ALG1: variants seen among roughly 807,000 people sequenced by gnomAD.
ALG1 encodes the protein chitobiosyldiphosphodolichol beta-mannosyltransferase.
ALG1 carries 58 observed loss-of-function variants against 55.1 expected under a neutral mutation model. The observed-to-expected ratio is 1.05, with a 90% CI of 0.85 to 1.31. The LOEUF is 1.31. Ranked by LOEUF, ALG1 falls within the 50% of genes most tolerant of loss-of-function variation. The pLI, the probability that ALG1 is intolerant of heterozygous loss-of-function variation, is 0.00. For missense variants in ALG1, 761 were observed against 598.6 expected, an observed-to-expected ratio of 1.27 and a Z score of -2.83; for synonymous variants, 309 against 247.0, an observed-to-expected ratio of 1.25 and a Z score of -2.35.
chr16:5,075,730 C>T (rs1188685243), intron 4 of ALG1, among the ~76,000 whole-genome samples, 194 bp downstream of exon 4: 1 of 152,136 alleles, frequency 6.6e-6, no homozygotes, highest in East Asian at 1.9e-4. Flanking sequence ...CATTTTTTGG[C>T]CCATGAAATG....
rs544631457 is a variant in ALG1, at chr16:5,075,937, G to T, written c.539+401G>T. Among the ~76,000 whole-genome samples the T allele has an allele frequency of 2.0e-5, 3 of 152,304 alleles. No homozygotes were observed. The East Asian group carries it at 5.8e-4, about 29-fold the overall frequency. ...TGCCTTCCTCTGATCTGCCTGTTGA[G>T]GCCAGGGGGCAAGTGCTCCAGCAGA... On this transcript the variant is annotated intron_variant, in intron 4 of 12. Transcript: ENST00000262374.
chr16:5,078,057 C>A (rs1300776798), intron 6 of ALG1, 40 bp downstream of exon 6: 1 of 1,591,494 alleles, frequency 6.3e-7, no homozygotes. Flanking sequence ...TCCTGCTCGC[C>A]ACTGCCCTGG....
intron 7 of ALG1, 80 bp downstream of exon 7, chr16:5,078,958 C>G: frequency 6.3e-7 from 1 of 1,595,526 alleles, no homozygotes. Flanking sequence ...CCTGCCAGTC[C>G]TGCATGCTCC....
chr16:5,078,750 C>T lies in ALG1; in HGVS notation c.741-7C>T. The T allele has an allele frequency of 1.9e-6, 3 of 1,612,834 alleles. No individual in the cohort carries two copies. The highest frequency in any genetic ancestry group is 2.2e-5 in the East Asian group (1 of 44,878). On this transcript the variant is annotated splice_polypyrimidine_tract_variant and splice_region_variant and intron_variant, in intron 6 of 12. Coordinates refer to ENST00000262374, the MANE Select transcript of ALG1 (RefSeq NM_019109.5). ...GCCTCTCACAGGCTTTTTTTCTGCT[C>T]CTTCAGCTCAGAACCTGAGGACCCA...
chr16:5,078,203 A>G (rs997074945), intron 6 of ALG1, 186 bp downstream of exon 6: 24 of 770,498 alleles, frequency 3.1e-5, no homozygotes, highest in African/African-American at 6.9e-5. Flanking sequence ...TGAGTTGTCT[A>G]CAGCCGCCTT....
intron 7 of ALG1, 52 bp from the exon 8 acceptor site, chr16:5,079,012 G>C (rs1956967049): frequency 6.2e-7 from 1 of 1,603,278 alleles, no homozygotes; most frequent in African/African-American, 1.3e-5. Context: ...CCTGTGAGCT[G>C]GAAGAGGGGT....
intron 2 of ALG1, 47 bp downstream of exon 2, chr16:5,073,075 G>T (rs769670590): frequency 1.2e-6 from 2 of 1,610,576 alleles, no homozygotes; most frequent in East Asian, 4.5e-5. Context: ...TGGGCTGGGG[G>T]CAGGGGGTGT....
At chr16:5,072,205 C>T (rs1198547026) in intron 1 of ALG1, 148 bp downstream of exon 1, 2 of 1,535,300 alleles carry the variant, frequency 1.3e-6, no homozygotes. Flanking sequence ...CTGCCCCAGC[C>T]TTTCCTGGGT....
At chr16:5,082,812 C>T (rs969737341) in intron 11 of ALG1, 139 bp downstream of exon 11, 6 of 957,898 alleles carry the variant, frequency 6.3e-6, no homozygotes, top group Non-Finnish European at 9.6e-6. Context: ...TGAGGAGGAG[C>T]CCTGCGGTTA....
chr16:5,071,985 A>G lies in ALG1; in HGVS notation c.136A>G (p.Ser46Gly). 2 of 1,595,488 alleles carry G rather than the reference A, an allele frequency of 1.3e-6. No individual in the cohort carries two copies. The highest frequency in any genetic ancestry group is 1.7e-6 in the Non-Finnish European group (2 of 1,171,190). The change falls in exon 1 of 13, where the codon AGC (serine) becomes GGC (glycine). Residue 46 changes from serine (S) to glycine (G), a missense_variant. Transcript: ENST00000262374. Reference sequence around the variant, plus strand: ...GGTGGTGCTGGGCGACGTGGGCCGCAGCCCCCGTATGCAGTACCACGCGCT... The same window carrying G: ...GGTGGTGCTGGGCGACGTGGGCCGCGGCCCCCGTATGCAGTACCACGCGCT... Reference protein sequence around the residue: ...VAVVLGDVGRSPRMQYHALSL... With the variant: ...VAVVLGDVGRGPRMQYHALSL...
At chr16:5,072,110 G>C (rs563230070) in intron 1 of ALG1, 53 bp downstream of exon 1, 1 of 1,550,278 alleles carries the variant, frequency 6.5e-7, no homozygotes, top group Non-Finnish European at 8.7e-7. Context: ...GTTGATCCTC[G>C]GTTCTAACCG....
chr16:5,081,876 G>C (rs899266229), intron 10 of ALG1, among the ~76,000 whole-genome samples: 7 of 152,052 alleles, frequency 4.6e-5, no homozygotes, highest in Non-Finnish European at 1.0e-4. Flanking sequence ...CTAGTCTTTA[G>C]AAATGTTAAG....
intron 10 of ALG1, among the ~76,000 whole-genome samples, chr16:5,082,014 C>G (rs1406503452): frequency 1.3e-5 from 2 of 151,956 alleles, no homozygotes; most frequent in Non-Finnish European, 2.9e-5. Context: ...GTGATCTTGG[C>G]TCACGCAACC....
intron 3 of ALG1, 60 bp from the exon 4 acceptor site, chr16:5,075,328 C>T: frequency 1.3e-6 from 2 of 1,565,440 alleles, no homozygotes; most frequent in Middle Eastern, 1.7e-4. Context: ...ACTATTTTTA[C>T]TGGGTTTATT....
chr16:5,074,551 G>C (rs969501703), intron 3 of ALG1, among the ~76,000 whole-genome samples: 1 of 152,112 alleles, frequency 6.6e-6, no homozygotes, highest in Non-Finnish European at 1.5e-5. Context: ...TCCTGATTTT[G>C]TTTTTACTTT....
Position 5,075,446 on chromosome 16 carries a change from G to C in ALG1, c.449G>C (p.Ser150Thr). 11 of 1,614,160 alleles carry C rather than the reference G, an allele frequency of 6.8e-6. No individual in the cohort carries two copies. The highest frequency in any genetic ancestry group is 9.3e-6 in the Non-Finnish European group (11 of 1,180,040). The change falls in exon 4 of 13, where the codon AGC becomes ACC. Residue 150 changes from serine (S) to threonine (T), a missense_variant. Coordinates refer to ENST00000262374, the MANE Select transcript of ALG1 (RefSeq NM_019109.5). ...TGGTTCGTGGGCTGCCTTTGTGGAA[G>C]CAAGCTCGTCATTGACTGGCACAAC... ...VCWFVGCLCG[S>T]KLVIDWHNYG... is the part of the protein sequence containing the mutation.
intron 3 of ALG1, 169 bp downstream of exon 3, chr16:5,073,425 C>G: frequency 3.0e-6 from 2 of 666,244 alleles, no homozygotes; most frequent in Non-Finnish European, 5.4e-6. Context: ...CCTATCCATG[C>G]TCTCTGTGTC....
rs768062974 is a variant in ALG1 at position 5,079,794 on chromosome 16, C to G, written c.948C>G (p.Val316=). 3.1e-6 allele frequency: 5 copies of G among 1,611,782 alleles called. No individual in the cohort carries two copies. Among genetic ancestry groups the G allele is most frequent in the Non-Finnish European group, 4.2e-6 (5 of 1,179,772 alleles). The change falls in exon 9 of 13, where the codon GTC becomes GTG. Residue 316 remains valine, a synonymous_variant. Coordinates refer to ENST00000262374, the MANE Select transcript of ALG1 (RefSeq NM_019109.5). ...ATGGACACAACCTTCCTTCTCTCGT[C>G]TGTGTGATAACAGGTACTGCCTGGG... is the stretch of plus-strand genomic sequence containing the variant. ...TLDGHNLPSL[V]CVITGKGPLR...
In ALG1 at chr16:5,085,766, G is replaced by A. The variant is rs778931362; in HGVS notation, c.*885G>A. On this transcript the variant is annotated 3_prime_UTR_variant, in exon 13 of 13. Transcript: ENST00000262374. Reference sequence around the variant, plus strand: ...AGAGCACATGTGTTTGAGGATGGCGGTGTTTGGGGACAGGACATGAGGGTA... The same window carrying A: ...AGAGCACATGTGTTTGAGGATGGCGATGTTTGGGGACAGGACATGAGGGTA... 3 of 1,518,622 alleles carry A rather than the reference G, an allele frequency of 2.0e-6. No homozygotes were observed. The highest frequency in any genetic ancestry group is 2.7e-6 in the Non-Finnish European group (3 of 1,094,750). The allele number at this position is 1,518,622 out of a possible 1,614,324, so 94.1% of individuals were successfully genotyped here. A position where few individuals can be genotyped will look rare whatever the true frequency, so the allele number is the denominator to read the frequency against.
Sources: allele counts gnomAD v4.1 joint callset (sites outside exome capture counted in the v4.1 genomes callset), GRCh38; gene constraint gnomAD v4.1.1; transcripts MANE v1.5; gene names NCBI Gene and HGNC (gene_info 2026-07-23, HGNC 2026-07-21).